The following HS6ST3 variants were observed in gnomAD, a reference collection of about 807,000 sequenced individuals.
HS6ST3 encodes heparan-sulfate 6-O-sulfotransferase 3.
HS6ST3 carries 12 observed loss-of-function variants against 36.7 expected under a neutral mutation model. The observed-to-expected ratio is 0.33, with a 90% CI of 0.21 to 0.53. The LOEUF (loss-of-function observed/expected upper bound fraction) is 0.53, where lower values mean the gene tolerates loss of function less well. Ranked by LOEUF, HS6ST3 falls within the 20% of genes least tolerant of loss-of-function variation. The pLI, the probability that HS6ST3 is intolerant of heterozygous loss-of-function variation, is 0.95. For missense variants in HS6ST3, 584 were observed against 640.9 expected (o/e 0.91, Z 0.96); for synonymous variants, 240 against 257.5 (o/e 0.93, Z 0.65).
chr13:96,305,996 A>T (rs564115924), intron 1 of HS6ST3, among the ~76,000 whole-genome samples: 2 of 150,978 alleles, frequency 1.3e-5, no homozygotes, highest in Admixed American at 6.6e-5. Context: ...CAGTGGCATG[A>T]TCTTGGCTCA....
chr13:96,599,412 C>T (rs1424976224), intron 1 of HS6ST3, among the ~76,000 whole-genome samples: 1 of 151,976 alleles, frequency 6.6e-6, no homozygotes, highest in Non-Finnish European at 1.5e-5. Context: ...TCTAGATTCC[C>T]TAGTGTGCAC....
chr13:96,717,716 G>A (rs1875737429), intron 1 of HS6ST3, among the ~76,000 whole-genome samples: 1 of 152,252 alleles, frequency 6.6e-6, no homozygotes, highest in Non-Finnish European at 1.5e-5. Flanking sequence ...TCTCAGAAAT[G>A]AGACAGACCT....
At chr13:96,418,633 T>C (rs749202028) in intron 1 of HS6ST3, among the ~76,000 whole-genome samples, 22 of 152,184 alleles carry the variant, frequency 1.4e-4, no homozygotes, top group Non-Finnish European at 2.9e-4. Flanking sequence ...AATGGTTTAA[T>C]GCTTCAATCA....
intron 1 of HS6ST3, among the ~76,000 whole-genome samples, chr13:96,667,711 T>C (rs2056668647): frequency 6.6e-6 from 1 of 152,232 alleles, no homozygotes; most frequent in African/African-American, 2.4e-5. Flanking sequence ...TTGCTATTCT[T>C]GTTAAAATGG....
intron 1 of HS6ST3, among the ~76,000 whole-genome samples, chr13:96,590,792 A>G (rs1236402237): frequency 6.6e-6 from 1 of 152,094 alleles, no homozygotes; most frequent in Non-Finnish European, 1.5e-5. Context: ...GAGTTTCTCC[A>G]ATGTTTTCTT....
At chr13:96,292,630 T>C (rs929770323) in intron 1 of HS6ST3, among the ~76,000 whole-genome samples, 16 of 152,062 alleles carry the variant, frequency 1.1e-4, no homozygotes, top group Middle Eastern at 3.4e-3. Context: ...TTGACAAATA[T>C]TTATTGAGCT....
chr13:96,825,955 A>G (rs535583670), intron 1 of HS6ST3, among the ~76,000 whole-genome samples: 9 of 152,186 alleles, frequency 5.9e-5, no homozygotes, highest in African/African-American at 2.2e-4. Context: ...TTCTTTTTTT[A>G]TGTTCTCAAC....
chr13:96,568,503 C>T (rs1024440981), intron 1 of HS6ST3, among the ~76,000 whole-genome samples: 10 of 152,058 alleles, frequency 6.6e-5, no homozygotes, highest in African/African-American at 2.2e-4. Context: ...GTGATCTGCC[C>T]GCCTCGGCCT....
At chr13:96,414,583 A>C (rs891130723) in intron 1 of HS6ST3, among the ~76,000 whole-genome samples, 1 of 152,004 alleles carries the variant, frequency 6.6e-6, no homozygotes, top group African/African-American at 2.4e-5. Flanking sequence ...CCTGGGTTCA[A>C]GTGATTCTCC....
chr13:96,525,239 C>A (rs2138930517), intron 1 of HS6ST3, among the ~76,000 whole-genome samples: 1 of 152,240 alleles, frequency 6.6e-6, no homozygotes, highest in Middle Eastern at 3.4e-3. Context: ...TGCTTAATTT[C>A]TATTTAAAAA....
chr13:96,383,532 T>G (rs2055352250), intron 1 of HS6ST3, among the ~76,000 whole-genome samples: 1 of 152,246 alleles, frequency 6.6e-6, no homozygotes, highest in Non-Finnish European at 1.5e-5. Context: ...GGAAGAAGTT[T>G]CTGGAACAAT....
chr13:96,325,247 C>T (rs1389768750), intron 1 of HS6ST3, among the ~76,000 whole-genome samples: 3 of 151,984 alleles, frequency 2.0e-5, no homozygotes, highest in Non-Finnish European at 4.4e-5. Flanking sequence ...TTTTGAAATG[C>T]AGTTATATAA....
chr13:96,365,524 GGTAAAA>G (rs1216842932), intron 1 of HS6ST3, among the ~76,000 whole-genome samples: 5 of 151,782 alleles, frequency 3.3e-5, no homozygotes, highest in Non-Finnish European at 7.4e-5. Context: ...AGATGTTATA[GGTAAAA>G]GTAAAAGATT....
At chr13:96,367,149 T>C (rs2055267042) in intron 1 of HS6ST3, among the ~76,000 whole-genome samples, 1 of 152,208 alleles carries the variant, frequency 6.6e-6, no homozygotes, top group Non-Finnish European at 1.5e-5. Flanking sequence ...GATTTGCATT[T>C]TTCTCTTGTA....
chr13:96,282,003 A>G (rs907688041), intron 1 of HS6ST3, among the ~76,000 whole-genome samples: 1 of 152,176 alleles, frequency 6.6e-6, no homozygotes, highest in Non-Finnish European at 1.5e-5. Flanking sequence ...ACTTATGTGA[A>G]TTCTCTGAAT....
chr13:96,153,121 T>C (rs919424421), intron 1 of HS6ST3, among the ~76,000 whole-genome samples: 16 of 152,274 alleles, frequency 1.1e-4, no homozygotes, highest in East Asian at 1.9e-4. Context: ...CGTAAGCATA[T>C]GGACACACAC....
At chr13:96,743,176 A>G (rs188142791) in intron 1 of HS6ST3, among the ~76,000 whole-genome samples, 190 of 152,182 alleles carry the variant, frequency 1.2e-3, no homozygotes, top group Non-Finnish European at 2.4e-3. Flanking sequence ...AATACCAGGG[A>G]AGGTGTAGGG....
chr13:96,370,214 C>T (rs1429740497), intron 1 of HS6ST3, among the ~76,000 whole-genome samples: 3 of 152,068 alleles, frequency 2.0e-5, no homozygotes, highest in Non-Finnish European at 2.9e-5. Context: ...TCAACAACCC[C>T]GAGTGATTCT....
chr13:96,258,868 T>C (rs997715435), intron 1 of HS6ST3, among the ~76,000 whole-genome samples: 15 of 152,024 alleles, frequency 9.9e-5, no homozygotes, highest in African/African-American at 3.1e-4. Flanking sequence ...CTATAGGTGG[T>C]TATAGATTAA....
Sources: gnomAD v4.1 joint callset for allele counts (sites outside exome capture counted in the v4.1 genomes callset) on GRCh38, gnomAD v4.1.1 for gene constraint, MANE v1.5 for transcripts, NCBI Gene and HGNC (gene_info 2026-07-23, HGNC 2026-07-21) for gene names.